CNTFR: variants seen among roughly 807,000 people sequenced by gnomAD.
CNTFR encodes ciliary neurotrophic factor receptor, also known as ciliary neurotrophic factor receptor subunit alpha.
CNTFR carries 12 observed loss-of-function variants against 40.4 expected under a neutral mutation model. The observed-to-expected ratio is 0.30, with a 90% CI of 0.19 to 0.48. CNTFR has a LOEUF of 0.48. CNTFR is among the 20% of genes least tolerant of loss of function. The pLI is 0.99. For synonymous variants in CNTFR, 202 were observed against 209.6 expected (o/e 0.96, Z 0.31); for missense variants, 414 against 506.8 (o/e 0.82, Z 1.76).
At chr9:34,559,777 G>C (rs1020022288) in intron 4 of CNTFR, among the ~76,000 whole-genome samples, 2 of 152,198 alleles carry the variant, frequency 1.3e-5, no homozygotes, top group African/African-American at 4.8e-5. Flanking sequence ...GGTGGGGATC[G>C]GAGTGTGCAG....
At chr9:34,576,745 G>T (rs1353755962) in intron 2 of CNTFR, among the ~76,000 whole-genome samples, 1 of 152,218 alleles carries the variant, frequency 6.6e-6, no homozygotes, top group African/African-American at 2.4e-5. Flanking sequence ...GCAAGAGCCA[G>T]AAAGGCCCAG....
At chr9:34,565,741 CG>C (rs1457402926) in intron 3 of CNTFR, among the ~76,000 whole-genome samples, 3 of 152,066 alleles carry the variant, frequency 2.0e-5, no homozygotes. Flanking sequence ...GAGCACCTGT[CG>C]ACAGGCAGCA....
chr9:34,564,013 A>G (rs970207582), intron 4 of CNTFR, among the ~76,000 whole-genome samples: 2 of 152,024 alleles, frequency 1.3e-5, no homozygotes, highest in African/African-American at 2.4e-5. Context: ...TGGCCTTTAC[A>G]TGCCCTCCCA....
chr9:34,586,815 G>A (rs746922566), intron 1 of CNTFR, among the ~76,000 whole-genome samples: 2 of 152,184 alleles, frequency 1.3e-5, no homozygotes, highest in Non-Finnish European at 2.9e-5. Flanking sequence ...TGTGAGGGAC[G>A]TGACCAAATG....
chr9:34,561,968 TG>T (rs1165350910), intron 4 of CNTFR, among the ~76,000 whole-genome samples: 4 of 152,246 alleles, frequency 2.6e-5, no homozygotes, highest in African/African-American at 9.6e-5. Context: ...ATAAAAGGTC[TG>T]GGCCCTGGTC....
intron 1 of CNTFR, among the ~76,000 whole-genome samples, chr9:34,583,989 G>A (rs1827440062): frequency 6.6e-6 from 1 of 152,214 alleles, no homozygotes. Flanking sequence ...GTTGGGGGAG[G>A]CTATAAAAGG....
chr9:34,568,821 G>A (rs1826432213), intron 3 of CNTFR, 76 bp downstream of exon 3: 1 of 1,317,636 alleles, frequency 7.6e-7, no homozygotes, highest in African/African-American at 1.5e-5. Flanking sequence ...GGTAGTGTCA[G>A]GATGCAGCTA....
chr9:34,552,390 G>C lies in CNTFR; in HGVS notation c.950-61C>G. 1.4e-6 allele frequency: 2 copies of C among 1,464,310 alleles called. No homozygotes were observed. The highest frequency in any genetic ancestry group is 1.8e-6 in the Non-Finnish European group (2 of 1,096,650). The allele number at this position is 1,464,310 out of a possible 1,614,324, so 90.7% of individuals were successfully genotyped here. A position where few individuals can be genotyped will look rare whatever the true frequency, so the allele number is the denominator to read the frequency against. On this transcript the variant is annotated intron_variant, in intron 8 of 9. Transcript: ENST00000378980. This position sits in a 1 kb window ranked among gnomAD's most constrained non-coding sequence, Gnocchi z 5.1. Reference sequence around the variant, plus strand: ...GGCTGGGTCCCATCCAGATCTGGGGGCTCATGAGACATACCATTCTGCTTC... The same window carrying C: ...GGCTGGGTCCCATCCAGATCTGGGGCCTCATGAGACATACCATTCTGCTTC...
At chr9:34,575,468 G>A (rs541242945) in intron 2 of CNTFR, among the ~76,000 whole-genome samples, 15 of 152,194 alleles carry the variant, frequency 9.9e-5, no homozygotes, top group Non-Finnish European at 1.9e-4. Context: ...GCGGACGCCG[G>A]GGACAGGAAG....
intron 6 of CNTFR, among the ~76,000 whole-genome samples, chr9:34,556,811 C>T (rs528473486): frequency 5.9e-5 from 9 of 152,310 alleles, no homozygotes; most frequent in African/African-American, 2.2e-4. Flanking sequence ...ACACCAGCAT[C>T]ACACATTCCC....
intron 2 of CNTFR, among the ~76,000 whole-genome samples, chr9:34,570,308 A>G (rs1489938110): frequency 6.6e-6 from 1 of 152,172 alleles, no homozygotes; most frequent in Non-Finnish European, 1.5e-5. Context: ...AAACCAGATA[A>G]CCAGCCAGAG....
rs541121015 is a variant in CNTFR at position 34,581,756 on chromosome 9, G to A, written c.-111-551C>T. ...ACCAAGGAGATTGAGCTTCAAGGAGGCCTTGCCCAATACCACAGAGCTGAT... is the reference window on the plus strand; with the variant it reads ...ACCAAGGAGATTGAGCTTCAAGGAGACCTTGCCCAATACCACAGAGCTGAT... On this transcript the variant is annotated intron_variant, in intron 1 of 9. Coordinates refer to ENST00000378980, the MANE Select transcript of CNTFR (RefSeq NM_147164.3). 1.1e-4 allele frequency among the ~76,000 whole-genome samples: 16 copies of A among 152,286 alleles called. No individual in the cohort carries two copies. The East Asian group carries it at 3.1e-3, about 29-fold the overall frequency.
At chr9:34,573,669 AG>A (rs1482613761) in intron 2 of CNTFR, among the ~76,000 whole-genome samples, 3 of 152,218 alleles carry the variant, frequency 2.0e-5, no homozygotes, top group Admixed American at 1.3e-4. Flanking sequence ...TGACTCCCAC[AG>A]CCCAGACTCC....
intron 2 of CNTFR, among the ~76,000 whole-genome samples, chr9:34,577,609 G>A (rs1827043279): frequency 6.6e-6 from 1 of 152,106 alleles, no homozygotes; most frequent in African/African-American, 2.4e-5. Flanking sequence ...CATCCCCTCT[G>A]TCTAGATGTC....
At chr9:34,585,050 C>G (rs1827481211) in intron 1 of CNTFR, among the ~76,000 whole-genome samples, 1 of 152,206 alleles carries the variant, frequency 6.6e-6, no homozygotes, top group South Asian at 2.1e-4. Context: ...ATTTATTGAG[C>G]ACCTATTCCC....
In CNTFR at chr9:34,589,666, C is replaced by G. The variant is rs1356095408; in HGVS notation, c.-223G>C. ...CCCGCCGGATCCCACCGCCGAGCCT[C>G]GCGCCGCGCCGGCTGGAGCCGCCGC... On this transcript the variant is annotated 5_prime_UTR_variant, in exon 1 of 10. Coordinates refer to ENST00000378980, the MANE Select transcript of CNTFR (RefSeq NM_147164.3). This position sits in a 1 kb window ranked among gnomAD's most constrained non-coding sequence, Gnocchi z 4.4. The G allele has an allele frequency of 1.3e-5, 2 of 156,206 alleles. No homozygotes were observed. The highest frequency in any genetic ancestry group is 4.8e-5 in the African/African-American group (2 of 41,296). 9.7% of individuals were successfully genotyped at this position (156,206 alleles called of 1,614,324 possible).
chr9:34,560,103 G>C (rs189684658), intron 4 of CNTFR, among the ~76,000 whole-genome samples: 4 of 152,334 alleles, frequency 2.6e-5, no homozygotes, highest in Admixed American at 6.5e-5. Context: ...TTCTCAGAGG[G>C]AAAAGGAGGA....
chr9:34,559,622 G>A (rs1188161508), intron 4 of CNTFR, among the ~76,000 whole-genome samples: 2 of 152,214 alleles, frequency 1.3e-5, no homozygotes, highest in South Asian at 2.1e-4. Context: ...GCCTGGGGGT[G>A]GGGTGGGGGG....
chr9:34,578,003 T>G (rs1827077810), intron 2 of CNTFR, among the ~76,000 whole-genome samples: 1 of 151,406 alleles, frequency 6.6e-6, no homozygotes, highest in African/African-American at 2.4e-5. Flanking sequence ...TCCGGCCCTG[T>G]GGCCACTGAC....
Sources: allele counts gnomAD v4.1 joint callset (sites outside exome capture counted in the v4.1 genomes callset), GRCh38; gene constraint gnomAD v4.1.1; non-coding constraint Gnocchi (gnomAD v3.1); transcripts MANE v1.5; gene names NCBI Gene and HGNC (gene_info 2026-07-23, HGNC 2026-07-21).